NCOR2: variants seen among roughly 807,000 people sequenced by gnomAD.
NCOR2 encodes nuclear receptor corepressor 2.
A neutral mutation model predicts 262.9 loss-of-function variants in NCOR2; 81 were observed. The ratio of observed to expected loss-of-function variants is 0.31; its 90% CI spans 0.26 to 0.37. The LOEUF (loss-of-function observed/expected upper bound fraction) is 0.37, where lower values mean the gene tolerates loss of function less well. Ranked by LOEUF, NCOR2 falls within the 10% of genes least tolerant of loss-of-function variation. The pLI, the probability that NCOR2 is intolerant of heterozygous loss-of-function variation, is 1.00. For synonymous variants in NCOR2, 1,659 were observed against 1,559.3 expected (o/e 1.06, Z -1.51); for missense variants, 3,385 against 3,621.4 (o/e 0.93, Z 1.68).
intron 38 of NCOR2, 48 bp downstream of exon 40, chr12:124,336,705 G>T (rs560364537): frequency 6.9e-6 from 11 of 1,599,030 alleles, no homozygotes; most frequent in Non-Finnish European, 9.4e-6. Flanking sequence ...GCAATTTGAC[G>T]CATGATAATC....
chr12:124,493,753 A>T (rs1462268415), intron 1 of NCOR2, among the ~76,000 whole-genome samples: 1 of 152,228 alleles, frequency 6.6e-6, no homozygotes, highest in Non-Finnish European at 1.5e-5. Context: ...ATCATTTCCC[A>T]CTGGGAGTCT....
intron 1 of NCOR2, among the ~76,000 whole-genome samples, chr12:124,519,712 A>G (rs572721547): frequency 6.6e-6 from 1 of 152,268 alleles, no homozygotes; most frequent in Admixed American, 6.5e-5. Context: ...TAATATTAAT[A>G]ACAATAACAG....
chr12:124,422,672 C>G, intron 11 of NCOR2, 117 bp from the exon 14 acceptor site: 1 of 1,207,580 alleles, frequency 8.3e-7, no homozygotes, highest in Non-Finnish European at 1.2e-6. Flanking sequence ...GGCACCGCCC[C>G]ACTTGGAGCA....
At chr12:124,461,887 G>A (rs1437560536) in intron 5 of NCOR2, among the ~76,000 whole-genome samples, 1 of 152,146 alleles carries the variant, frequency 6.6e-6, no homozygotes, top group Non-Finnish European at 1.5e-5. Flanking sequence ...ACCCACGTGT[G>A]TATGCATGGA....
chr12:124,534,732 A>G (rs1249252960), intron 1 of NCOR2, among the ~76,000 whole-genome samples: 1 of 152,196 alleles, frequency 6.6e-6, no homozygotes, highest in African/African-American at 2.4e-5. Flanking sequence ...AAGGGTGAGA[A>G]GGGGTTCTTT....
intron 41 of NCOR2, among the ~76,000 whole-genome samples, chr12:124,333,936 ATGTGTGTGGGTGTGCACGTGTG>A (rs2035591504): frequency 1.1e-5 from 1 of 88,300 alleles, no homozygotes. Context: ...GTGCGCGCGC[ATGTGTGTGGGTGTGCACGTGTG>A]TGTGTGCGGG....
At position 124,346,785 on chromosome 12, in the gene NCOR2, G is replaced by A. The variant is rs1294600225; in HGVS notation, c.4138C>T (p.Arg1380Trp). The A allele has an allele frequency of 1.2e-5, 19 of 1,564,054 alleles. No homozygotes were observed. Among genetic ancestry groups the A allele is most frequent in the Middle Eastern group, 1.7e-4 (1 of 5,972 alleles). Residue 1380 changes from arginine to tryptophan, a missense_variant, in exon 31 of 47, where the codon CGG becomes TGG. Transcript: ENST00000405201. Reference sequence around the variant, plus strand: ...GGTGGGGGCGGAGGCGTGCCCTCCCGCTTTAGGAGCTTGGCCTCCCGACGC... The same window carrying A: ...GGTGGGGGCGGAGGCGTGCCCTCCCACTTTAGGAGCTTGGCCTCCCGACGC...
chr12:124,437,909 G>C (rs750062871), intron 8 of NCOR2, 21 bp downstream of exon 10: 4 of 1,606,202 alleles, frequency 2.5e-6, no homozygotes, highest in Non-Finnish European at 3.4e-6. Context: ...AAAGCTGATG[G>C]GGGCCACGGT....
intron 6 of NCOR2, among the ~76,000 whole-genome samples, chr12:124,450,295 G>A (rs760139107): frequency 1.8e-4 from 27 of 152,234 alleles, no homozygotes; most frequent in Non-Finnish European, 3.7e-4. Context: ...CCACTGACCA[G>A]CAAAAGACAA....
chr12:124,567,530 C>G (rs1469356633), upstream of NCOR2: 1 of 146,322 alleles, frequency 6.8e-6, no homozygotes, highest in Non-Finnish European at 1.5e-5. Context: ...AGGGCTCGGG[C>G]GGGGCGCCGG....
chr12:124,338,483 G>A (rs1443760527), intron 37 of NCOR2, among the ~76,000 whole-genome samples: 1 of 150,678 alleles, frequency 6.6e-6, no homozygotes, highest in Non-Finnish European at 1.5e-5. Flanking sequence ...ACTCCAGCCT[G>A]GGCGACAGAG....
chr12:124,385,693 G>GGCTCCTC, intron 17 of NCOR2, 52 bp downstream of exon 19: 1 of 1,600,438 alleles, frequency 6.2e-7, no homozygotes, highest in Non-Finnish European at 8.5e-7. Flanking sequence ...AGGCAGTCTG[G>GGCTCCTC]GCTCCTCTCC....
intron 18 of NCOR2, among the ~76,000 whole-genome samples, chr12:124,377,943 G>A (rs992737687): frequency 2.0e-5 from 3 of 152,086 alleles, no homozygotes; most frequent in Admixed American, 1.3e-4. Context: ...TGGCCTGGAC[G>A]TCTGGTCACC....
chr12:124,445,799 A>G (rs1202210007), intron 7 of NCOR2, among the ~76,000 whole-genome samples: 1 of 152,224 alleles, frequency 6.6e-6, no homozygotes, highest in African/African-American at 2.4e-5. Context: ...CGTGTAGTAG[A>G]TGCTCAGTAA....
chr12:124,363,728 G>A (rs2038797694), exon 21 of NCOR2: 2 of 1,407,150 alleles, frequency 1.4e-6, no homozygotes, highest in Middle Eastern at 3.8e-4. Context: ...CAGGTCCAGT[G>A]GCTTCTGGGG....
chr12:124,325,536 C>A, exon 47 of NCOR2: 1 of 1,336,510 alleles, frequency 7.5e-7, no homozygotes, highest in Non-Finnish European at 9.6e-7. Context: ...GCCATGACAC[C>A]CGCCTGCAGC....
intron 1 of NCOR2, among the ~76,000 whole-genome samples, chr12:124,501,037 ACGGCACGAGCG>A (rs1357248702): frequency 2.1e-3 from 313 of 149,808 alleles, no homozygotes; most frequent in African/African-American, 7.2e-3. Flanking sequence ...GAGAGCGCCC[ACGGCACGAGCG>A]CGCGCGCACG....
At chr12:124,345,619 A>C (rs544658353) in intron 31 of NCOR2, among the ~76,000 whole-genome samples, 1 of 152,282 alleles carries the variant, frequency 6.6e-6, no homozygotes, top group African/African-American at 2.4e-5. Flanking sequence ...TAAGAAGGGG[A>C]ACTGCCCTTG....
chr12:124,524,792 T>C lies in NCOR2; in HGVS notation c.-118+10773A>G, dbSNP rs189378108. Among the ~76,000 whole-genome samples, 754 of 152,316 alleles carry C rather than the reference T, an allele frequency of 5.0e-3. 3 individuals carry two copies. The highest frequency in any genetic ancestry group is 0.01 in the Middle Eastern group (3 of 294). On this transcript the variant is annotated intron_variant, in intron 1 of 46. Transcript: ENST00000404621. ...ATGGAAGACTAATTCAGCTCTTGCC[T>C]CACCCAGGTGAATGCCTGAACCTCG...
Sources: gnomAD v4.1 joint callset for allele counts (sites outside exome capture counted in the v4.1 genomes callset) on GRCh38, gnomAD v4.1.1 for gene constraint, MANE v1.5 for transcripts, NCBI Gene and HGNC (gene_info 2026-07-23, HGNC 2026-07-21) for gene names.